HIRA: variants seen among roughly 807,000 people sequenced by gnomAD.
HIRA encodes protein HIRA.
Under a neutral mutation model 126.6 loss-of-function variants are expected in HIRA, and 13 were observed. That is an observed-to-expected ratio of 0.10 (90% CI 0.07 to 0.16). HIRA has a LOEUF of 0.16. HIRA is among the 10% of genes least tolerant of loss of function. The pLI, the probability that HIRA is intolerant of heterozygous loss-of-function variation, is 1.00. For synonymous variants in HIRA, 511 were observed against 520.0 expected, an observed-to-expected ratio of 0.98 and a Z score of 0.24; for missense variants, 834 against 1,314.4, an observed-to-expected ratio of 0.63 and a Z score of 5.65.
chr22:19,376,328 C>T (rs1345892186), intron 14 of HIRA, among the ~76,000 whole-genome samples: 1 of 152,202 alleles, frequency 6.6e-6, no homozygotes, highest in East Asian at 1.9e-4. Flanking sequence ...ACACAACTTT[C>T]ATCTTCTATT....
At chr22:19,385,312 G>A (rs991874077) in intron 12 of HIRA, among the ~76,000 whole-genome samples, 1 of 152,204 alleles carries the variant, frequency 6.6e-6, no homozygotes, top group Non-Finnish European at 1.5e-5. Flanking sequence ...TGGGCTCCTG[G>A]GGATAAGGAG....
At chr22:19,429,698 C>G (rs2089516217) in intron 1 of HIRA, among the ~76,000 whole-genome samples, 1 of 152,154 alleles carries the variant, frequency 6.6e-6, no homozygotes, top group Non-Finnish European at 1.5e-5. Context: ...ACTTAAGCAT[C>G]TTGACTTACT....
intron 2 of HIRA, 88 bp from the exon 3 acceptor site, chr22:19,408,681 C>T (rs1227833032): frequency 2.5e-5 from 18 of 716,568 alleles, no homozygotes; most frequent in Non-Finnish European, 4.0e-5. Context: ...AGGAGAAGTC[C>T]TCACTTAGCT....
In HIRA at chr22:19,427,759, TC is replaced by T. The variant is rs1364061051; in HGVS notation, c.37+3680del. Among the ~76,000 whole-genome samples, 10 of 152,214 alleles carry T rather than the reference TC, an allele frequency of 6.6e-5. No homozygotes were observed. The East Asian group carries it at 1.9e-3, about 29-fold the overall frequency. ...GCGCTGTCTGCCCAGGCATGAGAAT[TC>T]CAGAAAAAACTCAGGAGCAAAGGCC... On this transcript the variant is annotated intron_variant, in intron 1 of 24. Coordinates refer to ENST00000263208, the MANE Select transcript of HIRA (RefSeq NM_003325.4).
At chr22:19,361,482 A>G (rs2088863454) in intron 16 of HIRA, 141 bp from the exon 17 acceptor site, 2 of 786,998 alleles carry the variant, frequency 2.5e-6, no homozygotes, top group Non-Finnish European at 4.2e-6. Flanking sequence ...GGGGAATGCT[A>G]CAAGGATCCT....
chr22:19,406,836 C>A (rs375730120), intron 4 of HIRA, among the ~76,000 whole-genome samples: 1 of 152,356 alleles, frequency 6.6e-6, no homozygotes, highest in Non-Finnish European at 1.5e-5. Flanking sequence ...GCCCCAGATC[C>A]TGGGCAAGAA....
intron 1 of HIRA, among the ~76,000 whole-genome samples, chr22:19,413,901 C>G (rs1046433561): frequency 6.6e-6 from 1 of 152,062 alleles, no homozygotes; most frequent in Non-Finnish European, 1.5e-5. Flanking sequence ...TAATCCCGGC[C>G]ACCGTGCCCG....
chr22:19,380,813 G>A (rs1280085575), intron 13 of HIRA, among the ~76,000 whole-genome samples: 4 of 152,188 alleles, frequency 2.6e-5, no homozygotes, highest in East Asian at 1.9e-4. Flanking sequence ...TAGTAGGGAC[G>A]GGGTTTCACC....
chr22:19,344,184 G>T (rs568219249), intron 24 of HIRA, among the ~76,000 whole-genome samples: 3 of 151,574 alleles, frequency 2.0e-5, no homozygotes, highest in East Asian at 3.9e-4. Flanking sequence ...AAAGATAATG[G>T]GACAAGATAA....
chr22:19,390,087 C>A (rs1453835947), intron 9 of HIRA, among the ~76,000 whole-genome samples: 5 of 152,116 alleles, frequency 3.3e-5, no homozygotes, highest in Non-Finnish European at 5.9e-5. Context: ...CTGCTCCCTG[C>A]ACTGCATGCG....
chr22:19,407,922 T>TG (rs762667721), intron 3 of HIRA, among the ~76,000 whole-genome samples: 7 of 152,126 alleles, frequency 4.6e-5, no homozygotes, highest in Non-Finnish European at 1.0e-4. Flanking sequence ...AGCCCCCACA[T>TG]GGCCCGTGAG....
chr22:19,351,562 A>C lies in HIRA; in HGVS notation c.2849-116T>G. ...TGTTGTGTCTATCAAATCAGAATAA[A>C]CACATGCGTATTTTATTGCCTACTA... On this transcript the variant is annotated intron_variant, in intron 23 of 24. Coordinates refer to ENST00000263208, the MANE Select transcript of HIRA (RefSeq NM_003325.4). The surrounding 1 kb of genome is among the most constrained non-coding windows in gnomAD (Gnocchi z 4.8). 3 of 798,276 alleles carry C rather than the reference A, an allele frequency of 3.8e-6. No homozygotes were observed. The highest frequency in any genetic ancestry group is 2.8e-5 in the East Asian group (1 of 36,288). 49.4% of individuals were successfully genotyped at this position (798,276 alleles called of 1,614,324 possible). A position where few individuals can be genotyped will look rare whatever the true frequency, so the allele number is the denominator to read the frequency against.
intron 24 of HIRA, among the ~76,000 whole-genome samples, chr22:19,348,641 GCC>G (rs1405947492): frequency 1.1e-4 from 17 of 149,604 alleles, no homozygotes; most frequent in African/African-American, 4.0e-4. Flanking sequence ...GATTACAGGT[GCC>G]CGCCACCATG....
At chr22:19,394,061 T>G (rs940914076) in intron 8 of HIRA, among the ~76,000 whole-genome samples, 1 of 152,096 alleles carries the variant, frequency 6.6e-6, no homozygotes, top group Non-Finnish European at 1.5e-5. Flanking sequence ...TATACCAGAA[T>G]TGTACCTGTA....
At position 19,331,087 on chromosome 22, in the gene HIRA, G is replaced by C; in HGVS notation, c.*353C>G. The C allele has an allele frequency of 8.4e-7, 1 of 1,191,738 alleles. No individual in the cohort carries two copies. Among genetic ancestry groups the C allele is most frequent in the Non-Finnish European group, 1.1e-6 (1 of 930,506 alleles). The allele number at this position is 1,191,738 out of a possible 1,614,324, so 73.8% of individuals were successfully genotyped here. ...CACAAATGGCTCAATCGTCACTGCT[G>C]AAGCAGCATGGTGCCTGCAGCAGCA... On this transcript the variant is annotated 3_prime_UTR_variant, in exon 25 of 25. Coordinates refer to ENST00000263208, the MANE Select transcript of HIRA (RefSeq NM_003325.4).
intron 9 of HIRA, among the ~76,000 whole-genome samples, chr22:19,390,822 T>C (rs2089174221): frequency 6.6e-6 from 1 of 152,066 alleles, no homozygotes; most frequent in Non-Finnish European, 1.5e-5. Flanking sequence ...CTCTAGGTCA[T>C]ATGCTTAGCT....
rs567554995 is a variant in HIRA at position 19,424,610 on chromosome 22, G to A, written c.37+6830C>T. ...AGGAAATGGGCCTGAAGCTCTCCAG[G>A]ACGGAGTGGCCAGCCTCAGCACAAA... is the stretch of plus-strand genomic sequence containing the variant. On this transcript the variant is annotated intron_variant, in intron 1 of 24. Transcript: ENST00000263208. Among the ~76,000 whole-genome samples the A allele has an allele frequency of 3.3e-5, 5 of 152,296 alleles. No homozygotes were observed. The South Asian group carries it at 1.0e-3, about 32-fold the overall frequency.
At chr22:19,406,564 A>C (rs1315768475) in intron 4 of HIRA, among the ~76,000 whole-genome samples, 1 of 152,152 alleles carries the variant, frequency 6.6e-6, no homozygotes, top group Admixed American at 6.5e-5. Context: ...GCTCATCACA[A>C]ATCCACAGAA....
At chr22:19,429,206 C>G (rs900535187) in intron 1 of HIRA, among the ~76,000 whole-genome samples, 1 of 129,324 alleles carries the variant, frequency 7.7e-6, no homozygotes, top group African/African-American at 2.9e-5. Flanking sequence ...GGCGCGATCT[C>G]GGCTCACTGC....
Sources: gnomAD v4.1 joint callset for allele counts (sites outside exome capture counted in the v4.1 genomes callset) on GRCh38, gnomAD v4.1.1 for gene constraint, Gnocchi (gnomAD v3.1) non-coding constraint, MANE v1.5 for transcripts, NCBI Gene and HGNC (gene_info 2026-07-23, HGNC 2026-07-21) for gene names.